Variants in DENND4C observed in about 807,000 individuals in gnomAD.
The protein encoded by DENND4C is DENN domain containing 4C.
Under a neutral mutation model 203.0 loss-of-function variants are expected in DENND4C, and 108 were observed. That is an observed-to-expected ratio of 0.53 (90% confidence interval 0.46 to 0.62). DENND4C has a LOEUF of 0.62. DENND4C is among the 20% of genes least tolerant of loss of function. The pLI is 0.00. For synonymous variants in DENND4C, 871 were observed against 792.4 expected, an observed-to-expected ratio of 1.10 and a Z score of -1.67; for missense variants, 2,481 against 2,301.2, an observed-to-expected ratio of 1.08 and a Z score of -1.60.
intron 4 of DENND4C, among the ~76,000 whole-genome samples, chr9:19,289,305 T>G (rs1179463886): frequency 1.3e-5 from 2 of 152,206 alleles, no homozygotes; most frequent in Non-Finnish European, 2.9e-5. Flanking sequence ...GCTCCAGTTG[T>G]AAATAGAAAA....
chr9:19,248,002 G>A (rs1160436484), intron 1 of DENND4C, among the ~76,000 whole-genome samples: 1 of 151,820 alleles, frequency 6.6e-6, no homozygotes, highest in Non-Finnish European at 1.5e-5. Flanking sequence ...CTCTTTTCTG[G>A]GTTATTTTAA....
chr9:19,338,864 A>G (rs1017195999), intron 20 of DENND4C, among the ~76,000 whole-genome samples: 2 of 152,176 alleles, frequency 1.3e-5, no homozygotes, highest in Admixed American at 1.3e-4. Context: ...TGGCAGTGTA[A>G]TAAGTGATGG....
At chr9:19,319,330 ATATATACACATATATATATACT>A (rs1260197457) in intron 12 of DENND4C, among the ~76,000 whole-genome samples, 3 of 38,722 alleles carry the variant, frequency 7.7e-5, no homozygotes, top group African/African-American at 2.0e-4. Context: ...ATATATACAT[ATATATACACATATATATATACT>A]TATATATACA....
intron 2 of DENND4C, among the ~76,000 whole-genome samples, chr9:19,276,962 A>G (rs1169098529): frequency 2.0e-5 from 3 of 151,734 alleles, no homozygotes. Flanking sequence ...GATAAGTGCT[A>G]CAGTTTTCAT....
chr9:19,273,239 C>T (rs1026257465), intron 1 of DENND4C, among the ~76,000 whole-genome samples: 2 of 151,932 alleles, frequency 1.3e-5, no homozygotes, highest in African/African-American at 4.9e-5. Context: ...GCGTGAGCCA[C>T]TGCGCCTGGC....
chr9:19,335,766 C>G (rs1468074341), intron 18 of DENND4C, among the ~76,000 whole-genome samples: 1 of 152,062 alleles, frequency 6.6e-6, no homozygotes, highest in African/African-American at 2.4e-5. Context: ...CATTGATAAA[C>G]ACTTAGGTTG....
At chr9:19,350,612 A>G (rs1823876172) in intron 23 of DENND4C, 90 bp from the exon 24 acceptor site, 1 of 1,082,342 alleles carries the variant, frequency 9.2e-7, no homozygotes, top group Non-Finnish European at 1.3e-6. Context: ...TAAGGATTAT[A>G]GAGTTTAATT....
intron 17 of DENND4C, among the ~76,000 whole-genome samples, chr9:19,333,374 A>C (rs1043335791): frequency 3.3e-5 from 5 of 151,980 alleles, no homozygotes; most frequent in Non-Finnish European, 7.4e-5. Flanking sequence ...GAACTTCTCA[A>C]CTTTGGCACT....
At chr9:19,238,083 C>CTTTTTTTT (rs539266824) in intron 1 of DENND4C, among the ~76,000 whole-genome samples, 2 of 138,398 alleles carry the variant, frequency 1.4e-5, no homozygotes, top group African/African-American at 2.6e-5. Context: ...TTCTTTCTTT[C>CTTTTTTTT]TTTTTTTTTT....
intron 17 of DENND4C, 129 bp from the exon 18 acceptor site, chr9:19,334,848 A>T: frequency 1.1e-6 from 1 of 945,798 alleles, no homozygotes; most frequent in Non-Finnish European, 1.5e-6. Context: ...TAATTTGCTA[A>T]GATGCTCAAA....
intron 1 of DENND4C, among the ~76,000 whole-genome samples, chr9:19,252,678 TA>T (rs1333805769): frequency 6.6e-6 from 1 of 152,048 alleles, no homozygotes; most frequent in Non-Finnish European, 1.5e-5. Context: ...TCTTTATTGG[TA>T]AAGCTAGGCA....
chr9:19,294,997 G>A (rs1420451917), intron 5 of DENND4C, among the ~76,000 whole-genome samples: 1 of 152,144 alleles, frequency 6.6e-6, no homozygotes, highest in Non-Finnish European at 1.5e-5. Context: ...GCATTGTGAA[G>A]GTACTTAATA....
At chr9:19,303,371 T>C (rs1395569839) in intron 9 of DENND4C, among the ~76,000 whole-genome samples, 1 of 152,230 alleles carries the variant, frequency 6.6e-6, no homozygotes, top group Admixed American at 6.5e-5. Context: ...TGCCAAATCC[T>C]GCCTGCCACT....
At chr9:19,332,865 G>A (rs1374579249) in intron 17 of DENND4C, among the ~76,000 whole-genome samples, 1 of 149,926 alleles carries the variant, frequency 6.7e-6, no homozygotes, top group Non-Finnish European at 1.5e-5. Flanking sequence ...CTCCCAAAGT[G>A]CAGGGATTAC....
At chr9:19,252,926 G>C (rs1361544623) in intron 1 of DENND4C, among the ~76,000 whole-genome samples, 1 of 152,118 alleles carries the variant, frequency 6.6e-6, no homozygotes, top group Non-Finnish European at 1.5e-5. Flanking sequence ...TAGTAGAGAT[G>C]GGGTTTTGCC....
chr9:19,305,596 A>C, intron 10 of DENND4C, 69 bp downstream of exon 10: 1 of 1,456,214 alleles, frequency 6.9e-7, no homozygotes, highest in South Asian at 1.3e-5. Flanking sequence ...GTTCTTTGAA[A>C]GCATCTAGAA....
chr9:19,294,286 A>G (rs1341507950), intron 5 of DENND4C, among the ~76,000 whole-genome samples: 1 of 152,126 alleles, frequency 6.6e-6, no homozygotes. Context: ...TGGATCTAGT[A>G]TAGGAAAGAG....
Position 19,350,737 on chromosome 9 carries a change from C to T in DENND4C, c.4353C>T (p.Gly1451=), listed in dbSNP as rs1040725069. 1.2e-6 allele frequency: 2 copies of T among 1,613,466 alleles called. No homozygotes were observed. Among genetic ancestry groups the T allele is most frequent in the Middle Eastern group, 1.6e-4 (1 of 6,082 alleles). Residue 1451 remains glycine, a synonymous_variant, in exon 24 of 33, where the codon GGC becomes GGT. Coordinates refer to ENST00000434457, the MANE Select transcript of DENND4C (RefSeq NM_001330640.2). ...ATAGAGACTACAGCTTCCCAGCTGGCCTAGAAGACCATATTTTGGGGGAGA... is the reference window on the plus strand; with the variant it reads ...ATAGAGACTACAGCTTCCCAGCTGGTCTAGAAGACCATATTTTGGGGGAGA... ...ETNRDYSFPA[G]LEDHILGENI...
At chr9:19,365,152 G>T (rs1382416858) in intron 30 of DENND4C, among the ~76,000 whole-genome samples, 1 of 152,058 alleles carries the variant, frequency 6.6e-6, no homozygotes, top group African/African-American at 2.4e-5. Flanking sequence ...TAAAAATCGT[G>T]AATAAAATAC....
Sources: gnomAD v4.1 joint callset for allele counts (sites outside exome capture counted in the v4.1 genomes callset) on GRCh38, gnomAD v4.1.1 for gene constraint, MANE v1.5 for transcripts, NCBI Gene and HGNC (gene_info 2026-07-23, HGNC 2026-07-21) for gene names.